The following GPR158 variants were observed in gnomAD, a reference collection of about 807,000 sequenced individuals.
The protein encoded by GPR158 is metabotropic glycine receptor.
In GPR158, 30 loss-of-function variants were observed where a neutral mutation model predicts 78.2. The observed-to-expected ratio is 0.38, with a 90% CI of 0.29 to 0.52. The LOEUF (loss-of-function observed/expected upper bound fraction) is 0.52, where lower values mean the gene tolerates loss of function less well. Among genes scored for constraint, GPR158 ranks in the 20% least tolerant of loss-of-function variants. The pLI is 0.83. For missense variants in GPR158, 1,463 were observed against 1,523.5 expected (o/e 0.96, Z 0.66); for synonymous variants, 581 against 591.1 (o/e 0.98, Z 0.25).
At chr10:25,224,390 G>C (rs1853343868) in intron 2 of GPR158, among the ~76,000 whole-genome samples, 1 of 151,442 alleles carries the variant, frequency 6.6e-6, no homozygotes, top group Non-Finnish European at 1.5e-5. Flanking sequence ...TTTAAATTTA[G>C]AGTGTATATA....
At chr10:25,178,236 G>A (rs1481687821) in intron 1 of GPR158, among the ~76,000 whole-genome samples, 1 of 152,166 alleles carries the variant, frequency 6.6e-6, no homozygotes, top group Non-Finnish European at 1.5e-5. Context: ...TTGCACAGCA[G>A]TAAAATAGCA....
rs114951961 is a variant in GPR158 at position 25,588,861 on chromosome 10, T to C, written c.1754-146T>C. ...AAACTGAATGAAATTTAAAAATATA[T>C]GGCATTTGTATTTGTATGTGAATAA... is the stretch of plus-strand genomic sequence containing the variant. On this transcript the variant is annotated intron_variant, in intron 7 of 10. Coordinates refer to ENST00000376351, the MANE Select transcript of GPR158 (RefSeq NM_020752.3). The C allele has an allele frequency of 1.4e-3, 612 of 450,552 alleles. 5 individuals carry two copies. The highest frequency in any genetic ancestry group is 0.01 in the African/African-American group (539 of 51,692). 27.9% of individuals were successfully genotyped at this position (450,552 alleles called of 1,614,324 possible).
intron 3 of GPR158, among the ~76,000 whole-genome samples, chr10:25,397,576 G>C (rs1834379527): frequency 6.6e-6 from 1 of 152,184 alleles, no homozygotes; most frequent in Non-Finnish European, 1.5e-5. Context: ...TTTTTATACA[G>C]TTCTTTTTCT....
At chr10:25,372,380 A>T (rs1172405774) in intron 2 of GPR158, among the ~76,000 whole-genome samples, 2 of 150,992 alleles carry the variant, frequency 1.3e-5, no homozygotes, top group East Asian at 3.9e-4. Flanking sequence ...AGGGCTGTAA[A>T]TCATGCTGCT....
At chr10:25,524,650 G>A (rs1836325520) in intron 5 of GPR158, among the ~76,000 whole-genome samples, 1 of 152,146 alleles carries the variant, frequency 6.6e-6, no homozygotes, top group African/African-American at 2.4e-5. Flanking sequence ...ACAGCTCAGA[G>A]TCCTAAATGG....
chr10:25,447,250 C>T (rs1454815229), intron 4 of GPR158, among the ~76,000 whole-genome samples: 1 of 152,002 alleles, frequency 6.6e-6, no homozygotes, highest in African/African-American at 2.4e-5. Flanking sequence ...GTACATTTTA[C>T]TGGATATAGC....
At chr10:25,303,357 T>C (rs564066249) in intron 2 of GPR158, among the ~76,000 whole-genome samples, 1 of 152,302 alleles carries the variant, frequency 6.6e-6, no homozygotes, top group Non-Finnish European at 1.5e-5. Context: ...TGGACGTCAC[T>C]GCCAGAGGGA....
chr10:25,313,505 A>AT (rs1491563708), intron 2 of GPR158, among the ~76,000 whole-genome samples: 29 of 146,352 alleles, frequency 2.0e-4, no homozygotes, highest in Middle Eastern at 3.6e-3. Context: ...AAAAAAAAAA[A>AT]ATATATTTTA....
intron 1 of GPR158, among the ~76,000 whole-genome samples, chr10:25,197,947 G>A (rs769200673): frequency 1.8e-4 from 27 of 152,282 alleles, no homozygotes; most frequent in Middle Eastern, 6.8e-3. Flanking sequence ...CCCTGTGGAT[G>A]TGTTTGATAA....
intron 2 of GPR158, among the ~76,000 whole-genome samples, chr10:25,343,006 A>G (rs1236577715): frequency 6.6e-6 from 1 of 151,924 alleles, no homozygotes; most frequent in South Asian, 2.1e-4. Context: ...GACACTGATC[A>G]AGTAAAATAT....
rs185260773 is a variant in GPR158 at position 25,273,671 on chromosome 10, G to T, written c.1008+52514G>T. 4.6e-5 allele frequency among the ~76,000 whole-genome samples: 7 copies of T among 151,610 alleles called. No individual in the cohort carries two copies. The East Asian group carries it at 1.2e-3, about 25-fold the overall frequency. On this transcript the variant is annotated intron_variant, in intron 2 of 10. Coordinates refer to ENST00000376351, the MANE Select transcript of GPR158 (RefSeq NM_020752.3). ...ACTTCTTTATGCATTGAAGAAAATG[G>T]GTTTTTTTTCTTTGTTTTATTTTTT...
intron 2 of GPR158, among the ~76,000 whole-genome samples, chr10:25,371,926 T>A (rs10764533): frequency 0.8 from 112,790 of 141,566 alleles, 45,997 homozygotes; most frequent in Non-Finnish European, 0.86. Flanking sequence ...GGCAACCTAC[T>A]AAATGGGAGA....
chr10:25,580,900 ATTT>A (rs1452302358), intron 7 of GPR158, among the ~76,000 whole-genome samples: 1 of 138,354 alleles, frequency 7.2e-6, no homozygotes, highest in Admixed American at 7.3e-5. Context: ...TAATTTTTTT[ATTT>A]TTTTATTTTA....
In GPR158 at chr10:25,599,553, C is replaced by CCTG; in HGVS notation, c.*279_*280insCTG. 2.6e-6 allele frequency: 1 copy of CCTG among 386,336 alleles called. No homozygotes were observed. The highest frequency in any genetic ancestry group is 4.7e-6 in the Non-Finnish European group (1 of 212,692). The allele number at this position is 386,336 out of a possible 1,614,324, so 23.9% of individuals were successfully genotyped here. A position where few individuals can be genotyped will look rare whatever the true frequency, so the allele number is the denominator to read the frequency against. ...AGGAAAATAGCCCACAATGTCTGCC[C>CCTG]TGATCAATATGTATCCATGGGACTT... On this transcript the variant is annotated 3_prime_UTR_variant, in exon 11 of 11. Transcript: ENST00000376351.
At chr10:25,426,168 G>A (rs541533614) in intron 4 of GPR158, among the ~76,000 whole-genome samples, 3 of 152,006 alleles carry the variant, frequency 2.0e-5, no homozygotes, top group East Asian at 1.9e-4. Flanking sequence ...AGCCTTCATC[G>A]AATTGAAGGG....
intron 5 of GPR158, among the ~76,000 whole-genome samples, chr10:25,523,190 G>T (rs1229447198): frequency 6.6e-6 from 1 of 152,158 alleles, no homozygotes; most frequent in Non-Finnish European, 1.5e-5. Context: ...ACAGGCATGG[G>T]GAATGTCTCA....
chr10:25,421,789 C>G (rs759343398), intron 4 of GPR158, among the ~76,000 whole-genome samples: 1 of 151,428 alleles, frequency 6.6e-6, no homozygotes, highest in Non-Finnish European at 1.5e-5. Flanking sequence ...TTATTTTTTC[C>G]TTTTCTCCCC....
chr10:25,369,649 C>T (rs1408735918), intron 2 of GPR158, among the ~76,000 whole-genome samples: 1 of 151,832 alleles, frequency 6.6e-6, no homozygotes, highest in East Asian at 1.9e-4. Context: ...TGTGTCTCTG[C>T]CCAGCTTTGC....
At chr10:25,397,074 G>A (rs1834370535) in intron 3 of GPR158, among the ~76,000 whole-genome samples, 1 of 152,166 alleles carries the variant, frequency 6.6e-6, no homozygotes, top group Admixed American at 6.6e-5. Flanking sequence ...AAATGACAGA[G>A]TATAATCATG....
Sources: allele counts gnomAD v4.1 joint callset (sites outside exome capture counted in the v4.1 genomes callset), GRCh38; gene constraint gnomAD v4.1.1; transcripts MANE v1.5; gene names NCBI Gene and HGNC (gene_info 2026-07-23, HGNC 2026-07-21).